RANBP17: variants seen among roughly 807,000 people sequenced by gnomAD.
RANBP17 encodes ran-binding protein 17.
Under a neutral mutation model 141.2 loss-of-function variants are expected in RANBP17, and 158 were observed. The observed-to-expected ratio is 1.12, with a 90% CI of 0.98 to 1.28. RANBP17 has a LOEUF of 1.28. Among genes scored for constraint, RANBP17 ranks in the 50% most tolerant of loss-of-function variants. The pLI, the probability that RANBP17 is intolerant of heterozygous loss-of-function variation, is 0.00. For missense variants in RANBP17, 1,438 were observed against 1,290.7 expected (o/e 1.11, Z -1.75); for synonymous variants, 430 against 450.0 (o/e 0.96, Z 0.56).
In RANBP17 at chr5:171,199,706, C is replaced by A. The variant is rs1286438066; in HGVS notation, c.2075C>A (p.Pro692His). The change falls in exon 19 of 28, where the codon CCT (proline) becomes CAT (histidine). Residue 692 changes from proline to histidine, a missense_variant. By Grantham distance (77) the Pro-to-His change is moderately conservative. Coordinates refer to ENST00000523189, the MANE Select transcript of RANBP17 (RefSeq NM_022897.5). ...DEDEFENFML[P>H]LTVAFETVLQ... is the part of the protein sequence containing the mutation. The stretch of plus-strand genomic sequence containing the variant: ...GATGAATTTGAGAATTTCATGCTGC[C>A]TCTTACAGTTGCTTTTGAAACAGTA... 1.2e-5 allele frequency: 19 copies of A among 1,610,806 alleles called. No homozygotes were observed. Among genetic ancestry groups the A allele is most frequent in the Non-Finnish European group, 1.5e-5 (18 of 1,178,162 alleles).
intron 14 of RANBP17, among the ~76,000 whole-genome samples, chr5:171,025,018 A>G (rs1781136304): frequency 6.6e-6 from 1 of 152,166 alleles, no homozygotes; most frequent in Non-Finnish European, 1.5e-5. Context: ...TCTCTCTTTC[A>G]GTAAATGGCA....
intron 13 of RANBP17, among the ~76,000 whole-genome samples, chr5:170,967,024 A>G (rs1230099150): frequency 2.6e-5 from 4 of 152,132 alleles, no homozygotes; most frequent in South Asian, 4.1e-4. Context: ...ACTACAAACC[A>G]CTGCTCAATG....
intron 14 of RANBP17, among the ~76,000 whole-genome samples, chr5:170,979,469 C>G (rs1777612132): frequency 6.6e-6 from 1 of 152,120 alleles, no homozygotes; most frequent in Non-Finnish European, 1.5e-5. Flanking sequence ...ATGATATGGT[C>G]TGGCTGTGTC....
intron 14 of RANBP17, among the ~76,000 whole-genome samples, chr5:171,152,082 G>A (rs1477384798): frequency 1.3e-5 from 2 of 151,812 alleles, no homozygotes; most frequent in South Asian, 2.1e-4. Context: ...TCAGAATATC[G>A]AGGAGAAAGA....
chr5:171,222,009 T>G (rs1763596057), intron 22 of RANBP17, among the ~76,000 whole-genome samples, 169 bp downstream of exon 22: 1 of 152,236 alleles, frequency 6.6e-6, no homozygotes, highest in African/African-American at 2.4e-5. Flanking sequence ...TCAGGAGAAG[T>G]AAGCAGCATG....
In RANBP17 at chr5:170,878,131, T is replaced by C; in HGVS notation, c.53T>C (p.Leu18Pro). ...LAELEVLCTH[L>P]YIGTDLTQRI... The stretch of plus-strand genomic sequence containing the variant: ...GAATTGGAAGTGTTATGTACTCATC[T>C]CTACATAGGGACTGATCTTACACAA... The change falls in exon 2 of 28, where the codon CTC becomes CCC. Residue 18 changes from leucine (L) to proline (P), a missense_variant. Transcript: ENST00000523189. 2 of 1,609,872 alleles carry C rather than the reference T, an allele frequency of 1.2e-6. No individual in the cohort carries two copies. The highest frequency in any genetic ancestry group is 1.3e-5 in the African/African-American group (1 of 74,998).
At chr5:170,918,403 T>TACACACACACACACACAC (rs55900214) in intron 9 of RANBP17, 2,220 of 161,660 alleles carry the variant, frequency 0.014, 57 homozygotes, top group African/African-American at 0.05. Context: ...TAAACCACAG[T>TACACACACACACACACAC]ACACACACAC....
In RANBP17 at chr5:170,892,491, G is replaced by T. The variant is rs377186217; in HGVS notation, c.361G>T (p.Glu121Ter). The T allele has an allele frequency of 6.7e-5, 108 of 1,613,872 alleles. No homozygotes were observed. The highest frequency in any genetic ancestry group is 8.2e-5 in the Non-Finnish European group (97 of 1,179,962). Residue 121 changes from glutamate (E) to a stop codon, truncating the protein, a stop_gained, in exon 4 of 28, where the codon GAG becomes TAG. Transcript: ENST00000523189. LOFTEE classifies it high-confidence loss of function. ...TAAAATCACTAAGTTGGGGTGGTTTGAGGTTCAGAAAGACCAATTTGTCTT... is the reference window on the plus strand; with the variant it reads ...TAAAATCACTAAGTTGGGGTGGTTTTAGGTTCAGAAAGACCAATTTGTCTT... ...IAKITKLGWFEVQKDQFVFRE... is the reference protein window; with the variant it reads ...IAKITKLGWF
intron 24 of RANBP17, 26 bp downstream of exon 24, chr5:171,242,846 C>G: frequency 1.9e-6 from 3 of 1,608,038 alleles, no homozygotes; most frequent in Non-Finnish European, 2.6e-6. Flanking sequence ...GACATTGTTT[C>G]CATAGGAAAA....
intron 8 of RANBP17, among the ~76,000 whole-genome samples, chr5:170,914,736 A>C (rs1374085462): frequency 1.3e-5 from 2 of 152,128 alleles, no homozygotes; most frequent in Non-Finnish European, 2.9e-5. Flanking sequence ...TTTTTGAATC[A>C]GTGTAAATTC....
At chr5:170,927,028 A>G (rs1011412224) in intron 12 of RANBP17, among the ~76,000 whole-genome samples, 6 of 152,112 alleles carry the variant, frequency 3.9e-5, no homozygotes, top group East Asian at 3.8e-4. Flanking sequence ...ACTGTTGACA[A>G]TGATTTTAGT....
chr5:170,999,509 T>C (rs1561971969), intron 14 of RANBP17, among the ~76,000 whole-genome samples: 1 of 152,174 alleles, frequency 6.6e-6, no homozygotes, highest in African/African-American at 2.4e-5. Context: ...ATAAACAATA[T>C]TTGTAAACTA....
At chr5:171,196,207 A>G (rs1761969834) in intron 18 of RANBP17, among the ~76,000 whole-genome samples, 3 of 152,300 alleles carry the variant, frequency 2.0e-5, no homozygotes, top group Non-Finnish European at 4.4e-5. Flanking sequence ...ACCATTTTAG[A>G]TAGAGTGGTC....
At chr5:171,102,814 A>G (rs1347692146) in intron 14 of RANBP17, among the ~76,000 whole-genome samples, 1 of 149,380 alleles carries the variant, frequency 6.7e-6, no homozygotes, top group African/African-American at 2.5e-5. Context: ...TGTTGATGCT[A>G]TTGCTTTCTG....
intron 14 of RANBP17, among the ~76,000 whole-genome samples, chr5:171,128,292 A>T (rs1486665002): frequency 6.6e-6 from 1 of 152,258 alleles, no homozygotes; most frequent in Non-Finnish European, 1.5e-5. Flanking sequence ...AATGTTGTAT[A>T]TATACACAAT....
At chr5:171,252,857 GGTT>G (rs1765660688) in intron 24 of RANBP17, 5 of 1,315,112 alleles carry the variant, frequency 3.8e-6, no homozygotes, top group Admixed American at 1.7e-5. Context: ...CATGATTTTT[GGTT>G]GTTGTTTGAT....
In RANBP17 at chr5:171,050,046, G is replaced by GTTGC. The variant is rs368957241; in HGVS notation, c.1710+81672_1710+81675dup. ...GATAGGAATAGCATTGAATCTGTAA[G>GTTGC]TTGCTTTGGGCAGTATGGCCATTTT... On this transcript the variant is annotated intron_variant, in intron 14 of 27. Coordinates refer to ENST00000523189, the MANE Select transcript of RANBP17 (RefSeq NM_022897.5). Among the ~76,000 whole-genome samples, 820 of 152,214 alleles carry GTTGC rather than the reference G, an allele frequency of 5.4e-3. 12 individuals are homozygous for GTTGC. The highest frequency in any genetic ancestry group is 0.019 in the African/African-American group (793 of 41,536).
At chr5:171,242,177 G>C (rs910195877) in intron 23 of RANBP17, among the ~76,000 whole-genome samples, 1 of 152,012 alleles carries the variant, frequency 6.6e-6, no homozygotes, top group Admixed American at 6.6e-5. Context: ...GATTGCATTT[G>C]AGATTTTTCA....
chr5:171,252,296 A>C, intron 24 of RANBP17: 1 of 1,551,148 alleles, frequency 6.4e-7, no homozygotes, highest in Non-Finnish European at 8.9e-7. Flanking sequence ...AATAATGAAA[A>C]TAATAACAGC....
Sources: allele counts gnomAD v4.1 joint callset (sites outside exome capture counted in the v4.1 genomes callset), GRCh38; gene constraint gnomAD v4.1.1; transcripts MANE v1.5; gene names NCBI Gene and HGNC (gene_info 2026-07-23, HGNC 2026-07-21).